The following NEDD4 variants were observed in gnomAD, a reference collection of about 807,000 sequenced individuals.
NEDD4 encodes the protein E3 ubiquitin-protein ligase NEDD4.
NEDD4 carries 99 observed loss-of-function variants against 144.9 expected under a neutral mutation model. That is an observed-to-expected ratio of 0.68 (90% CI 0.58 to 0.81). The LOEUF (loss-of-function observed/expected upper bound fraction) is 0.81, where lower values mean the gene tolerates loss of function less well. Among genes scored for constraint, NEDD4 ranks in the 30% least tolerant of loss-of-function variants. NEDD4 has a pLI of 0.00. For synonymous variants in NEDD4, 318 were observed against 350.6 expected (o/e 0.91, Z 1.04); for missense variants, 985 against 1,065.9 (o/e 0.92, Z 1.06).
intron 5 of NEDD4, chr15:55,915,542 A>C (rs2036408847): frequency 6.2e-7 from 1 of 1,613,862 alleles, no homozygotes; most frequent in African/African-American, 1.3e-5. Flanking sequence ...TTATTTGACA[A>C]TCTACATTTT....
In NEDD4 at chr15:55,860,699, C is replaced by T. The variant is rs749964316; in HGVS notation, c.754G>A (p.Glu252Lys). The T allele has an allele frequency of 1.4e-5, 22 of 1,614,042 alleles. No homozygotes were observed. Among genetic ancestry groups the T allele is most frequent in the African/African-American group, 2.7e-5 (2 of 74,936 alleles). Residue 252 changes from glutamate (E) to lysine (K), a missense_variant, in exon 10 of 29, where the codon GAG becomes AAG. Physicochemically the swap from Glu to Lys is moderately conservative, Grantham distance 56. Coordinates refer to ENST00000435532, the MANE Select transcript of NEDD4 (RefSeq NM_006154.4). ...RAFTTRRQIS[E>K]ETESVDNRES... ...CGGTTGTCAACACTTTCTGTTTCCT[C>T]GGATATCTGCCGCCTGGTGGTAAAT...
intron 2 of NEDD4, among the ~76,000 whole-genome samples, chr15:55,964,193 T>C (rs957140133): frequency 1.3e-5 from 2 of 152,300 alleles, no homozygotes; most frequent in Admixed American, 1.3e-4. Context: ...TTGTGCCTTC[T>C]TCTTTTCCCT....
At position 55,849,264 on chromosome 15, in the gene NEDD4, G is replaced by A. The variant is rs568017598; in HGVS notation, c.1348-378C>T. 1.7e-4 allele frequency among the ~76,000 whole-genome samples: 26 copies of A among 151,900 alleles called. No homozygotes were observed. The East Asian group carries it at 2.7e-3, about 16-fold the overall frequency. ...TCTGAGGTGGAGTGTCGCTCTTGTC[G>A]CCCAGGCTGGAGTACAATGGCACCA... On this transcript the variant is annotated intron_variant, in intron 14 of 28. Coordinates refer to ENST00000435532, the MANE Select transcript of NEDD4 (RefSeq NM_006154.4).
In NEDD4 at chr15:55,973,381, AAACAAAAAAACAAC is replaced by A. The variant is rs576420122; in HGVS notation, c.46-6849_46-6836del. 9.4e-3 allele frequency among the ~76,000 whole-genome samples: 1,425 copies of A among 152,190 alleles called. 10 individuals are homozygous for A. Among genetic ancestry groups the A allele is most frequent in the African/African-American group, 0.03 (1,254 of 41,512 alleles). On this transcript the variant is annotated intron_variant, in intron 1 of 28. Coordinates refer to ENST00000435532, the MANE Select transcript of NEDD4 (RefSeq NM_006154.4). Reference sequence around the variant, plus strand: ...CAGTCAGGCCCTATCTCTTAAAAACAAACAAAAAAACAACAACAAAAAAACAGGCAGAGTGGTAC... The same window carrying A: ...CAGTCAGGCCCTATCTCTTAAAAACAAACAAAAAAACAGGCAGAGTGGTAC...
At chr15:55,952,119 G>C (rs2037251786) in intron 2 of NEDD4, among the ~76,000 whole-genome samples, 1 of 151,666 alleles carries the variant, frequency 6.6e-6, no homozygotes, top group Admixed American at 6.6e-5. Context: ...ATGAGGTCAG[G>C]AGATCAAGAC....
At chr15:55,830,608 G>A in intron 27 of NEDD4, 22 bp from the exon 28 acceptor site, 1 of 1,606,842 alleles carries the variant, frequency 6.2e-7, no homozygotes, top group South Asian at 1.1e-5. Flanking sequence ...AATTTATTTG[G>A]TTTCATTTAC....
chr15:55,915,644 A>G, intron 5 of NEDD4: 3 of 1,613,712 alleles, frequency 1.9e-6, no homozygotes, highest in Non-Finnish European at 2.5e-6. Flanking sequence ...CTGGTTTACA[A>G]TCACCATTTG....
At chr15:55,879,670 G>C (rs560414157) in intron 5 of NEDD4, among the ~76,000 whole-genome samples, 1 of 152,162 alleles carries the variant, frequency 6.6e-6, no homozygotes, top group East Asian at 1.9e-4. Flanking sequence ...AATATTCCCA[G>C]AGATAAGAGG....
intron 18 of NEDD4, among the ~76,000 whole-genome samples, chr15:55,843,999 A>G (rs2033631883): frequency 6.6e-6 from 1 of 152,178 alleles, no homozygotes; most frequent in African/African-American, 2.4e-5. Flanking sequence ...TAGGAGGACA[A>G]TTGCTGATGA....
chr15:55,846,850 A>C, intron 18 of NEDD4, 119 bp downstream of exon 18: 1 of 566,968 alleles, frequency 1.8e-6, no homozygotes, highest in Non-Finnish European at 3.0e-6. Flanking sequence ...TCTCTAGGAA[A>C]AACTGTTCAC....
At chr15:55,917,702 T>A (rs1466241346) in intron 5 of NEDD4, among the ~76,000 whole-genome samples, 1 of 152,130 alleles carries the variant, frequency 6.6e-6, no homozygotes, top group Non-Finnish European at 1.5e-5. Flanking sequence ...TCACTAAGCA[T>A]TTTCTCCTGT....
intron 1 of NEDD4, 62 bp downstream of exon 1, chr15:55,993,449 C>T (rs1217047367): frequency 1.3e-6 from 2 of 1,571,096 alleles, no homozygotes; most frequent in Non-Finnish European, 8.6e-7. Context: ...CGCTACCTCC[C>T]CGGGTCCGGC....
chr15:55,827,124 C>A lies in NEDD4; in HGVS notation c.*2773G>T, dbSNP rs1220164399. On this transcript the variant is annotated 3_prime_UTR_variant, in exon 29 of 29. Transcript: ENST00000435532. ...TGATACTTATATGGAATAACTTCAGCATTATAAATAAAAACCCAAAACAAA... is the reference window on the plus strand; with the variant it reads ...TGATACTTATATGGAATAACTTCAGAATTATAAATAAAAACCCAAAACAAA... 1 of 152,092 alleles carries A rather than the reference C, an allele frequency of 6.6e-6. No individual in the cohort carries two copies. Among genetic ancestry groups the A allele is most frequent in the Admixed American group, 6.6e-5 (1 of 15,262 alleles). 9.4% of individuals were successfully genotyped at this position (152,092 alleles called of 1,614,324 possible). A position where few individuals can be genotyped will look rare whatever the true frequency, so the allele number is the denominator to read the frequency against.
chr15:55,861,406 AT>A (rs1316663321), intron 9 of NEDD4, among the ~76,000 whole-genome samples: 1 of 152,202 alleles, frequency 6.6e-6, no homozygotes, highest in Non-Finnish European at 1.5e-5. Flanking sequence ...GAGAGGTACA[AT>A]AAATCAGATT....
At chr15:55,877,161 A>C (rs1416505612) in intron 5 of NEDD4, among the ~76,000 whole-genome samples, 1 of 152,212 alleles carries the variant, frequency 6.6e-6, no homozygotes, top group Non-Finnish European at 1.5e-5. Flanking sequence ...TACTCTACAG[A>C]CTTGACTCAA....
At chr15:55,836,331 GACACACAC>G (rs10526731) in intron 24 of NEDD4, among the ~76,000 whole-genome samples, 85,768 of 147,854 alleles carry the variant, frequency 0.58, 24,877 homozygotes, top group East Asian at 0.71. Context: ...AAAAGTATGT[GACACACAC>G]ACACACACAC....
chr15:55,903,260 TATCCTGTAGG>T (rs2035968744), intron 5 of NEDD4, among the ~76,000 whole-genome samples: 1 of 152,192 alleles, frequency 6.6e-6, no homozygotes, highest in Non-Finnish European at 1.5e-5. Flanking sequence ...CAAGCAGCTT[TATCCTGTAGG>T]ATTCTCCCAG....
chr15:55,932,127 A>G (rs2036793368), intron 4 of NEDD4, among the ~76,000 whole-genome samples: 1 of 152,190 alleles, frequency 6.6e-6, no homozygotes, highest in South Asian at 2.1e-4. Context: ...AGGTAATTGA[A>G]TCATGGGGGC....
chr15:55,892,684 C>A (rs886225826), intron 5 of NEDD4, among the ~76,000 whole-genome samples: 15 of 152,130 alleles, frequency 9.9e-5, no homozygotes, highest in Admixed American at 7.2e-4. Flanking sequence ...TCTGTCCTTG[C>A]AAAAGGTGAT....
Sources: gnomAD v4.1 joint callset for allele counts (sites outside exome capture counted in the v4.1 genomes callset) on GRCh38, gnomAD v4.1.1 for gene constraint, MANE v1.5 for transcripts, NCBI Gene and HGNC (gene_info 2026-07-23, HGNC 2026-07-21) for gene names.